The following FGGY variants were observed in gnomAD, a reference collection of about 807,000 sequenced individuals.
FGGY encodes the protein FGGY carbohydrate kinase domain-containing protein.
In FGGY, 72 loss-of-function variants were observed where a neutral mutation model predicts 71.3. That is an observed-to-expected ratio of 1.01 (90% CI 0.84 to 1.23). The LOEUF is 1.23. Among genes scored for constraint, FGGY ranks in the 50% most tolerant of loss-of-function variants. The pLI is 0.00. For missense variants in FGGY, 668 were observed against 682.3 expected (o/e 0.98, Z 0.23); for synonymous variants, 251 against 250.3 (o/e 1.00, Z -0.02).
At chr1:59,342,549 C>T (rs527679469) in intron 3 of FGGY, among the ~76,000 whole-genome samples, 1 of 152,276 alleles carries the variant, frequency 6.6e-6, no homozygotes, top group East Asian at 1.9e-4. Context: ...GCTGCAGGTG[C>T]CCTCATCAGT....
Position 59,732,661 on chromosome 1 carries a change from C to T in FGGY, c.1513-25270C>T, listed in dbSNP as rs571649874. 1.1e-4 allele frequency among the ~76,000 whole-genome samples: 16 copies of T among 150,702 alleles called. 1 individual carries two copies. In the South Asian group the frequency reaches 3.4e-3, roughly 32 times the overall value. On this transcript the variant is annotated intron_variant, in intron 14 of 15. Transcript: ENST00000303721. ...CCAAAGCAGATAGAGGAAAGGGGGG[C>T]AAGAAAGGGGAAGGGAAGGAAGGTA...
At chr1:59,589,491 C>T (rs941209868) in intron 8 of FGGY, among the ~76,000 whole-genome samples, 25 of 152,024 alleles carry the variant, frequency 1.6e-4, no homozygotes, top group Non-Finnish European at 1.5e-4. Context: ...TACATTTTTT[C>T]CAGCACCACA....
chr1:59,607,992 A>T, intron 9 of FGGY, 82 bp downstream of exon 9: 1 of 1,137,588 alleles, frequency 8.8e-7, no homozygotes, highest in African/African-American at 1.5e-5. Context: ...CCATATACCC[A>T]ATATCTGGAG....
chr1:59,553,677 T>C (rs1383411583), intron 7 of FGGY, among the ~76,000 whole-genome samples: 2 of 152,228 alleles, frequency 1.3e-5, no homozygotes, highest in Non-Finnish European at 2.9e-5. Flanking sequence ...TCCATTTGGC[T>C]CCGCTCCTTC....
intron 5 of FGGY, among the ~76,000 whole-genome samples, chr1:59,407,888 T>G (rs563409376): frequency 6.6e-5 from 10 of 152,348 alleles, no homozygotes; most frequent in African/African-American, 2.4e-4. Context: ...GCCTACTACA[T>G]GTAAATTGTT....
At chr1:59,376,954 C>T (rs1163326136) in intron 4 of FGGY, among the ~76,000 whole-genome samples, 1 of 152,170 alleles carries the variant, frequency 6.6e-6, no homozygotes, top group Admixed American at 6.5e-5. Context: ...TATCTCACCT[C>T]CAGTTCCATT....
At chr1:59,315,879 A>G (rs2045360720) in intron 1 of FGGY, 1 of 152,180 alleles carries the variant, frequency 6.6e-6, no homozygotes, top group South Asian at 2.1e-4. Context: ...GGAAAGGCGA[A>G]AAAGAACTGA....
At position 59,406,609 on chromosome 1, in the gene FGGY, CAG is replaced by C. The variant is rs374963201; in HGVS notation, c.554+27773_554+27774del. Among the ~76,000 whole-genome samples the C allele has an allele frequency of 3.8e-3, 576 of 152,188 alleles. 4 individuals are homozygous for C. The highest frequency in any genetic ancestry group is 0.013 in the African/African-American group (539 of 41,518). Reference sequence around the variant, plus strand: ...TTTTTAAGCAAGAATACACATGAAACAGGGTTGCGTATTGATGAGTTGGCAAA... The same window carrying C: ...TTTTTAAGCAAGAATACACATGAAACGGTTGCGTATTGATGAGTTGGCAAA... On this transcript the variant is annotated intron_variant, in intron 5 of 15. Transcript: ENST00000303721.
Position 59,507,684 on chromosome 1 carries a change from A to ATTTTTTTTTTTTT in FGGY, c.671-4616_671-4604dup, listed in dbSNP as rs561953004. Among the ~76,000 whole-genome samples the ATTTTTTTTTTTTT allele has an allele frequency of 3.7e-3, 390 of 106,808 alleles. 2 individuals are homozygous for ATTTTTTTTTTTTT. The highest frequency in any genetic ancestry group is 4.7e-3 in the Non-Finnish European group (261 of 55,612). 70.1% of individuals were successfully genotyped at this position (106,808 alleles called of 152,430 possible). On this transcript the variant is annotated intron_variant, in intron 6 of 15. Transcript: ENST00000303721. ...AGGCAACTGCAACCATGCTTGGCTA[A>ATTTTTTTTTTTTT]TTTTTTTTTTTTTTTTTTTTTTTGT... is the stretch of plus-strand genomic sequence containing the variant.
chr1:59,518,993 G>A (rs1469698459), intron 7 of FGGY, among the ~76,000 whole-genome samples: 2 of 152,196 alleles, frequency 1.3e-5, no homozygotes, highest in East Asian at 3.9e-4. Context: ...AACAGCTGAG[G>A]CTCAGTGTAT....
At chr1:59,501,754 G>C (rs2094231247) in intron 6 of FGGY, among the ~76,000 whole-genome samples, 1 of 152,158 alleles carries the variant, frequency 6.6e-6, no homozygotes, top group Non-Finnish European at 1.5e-5. Flanking sequence ...TTTTGTGCTA[G>C]AAAACTGAAT....
chr1:59,726,979 T>A (rs774533969), intron 14 of FGGY, among the ~76,000 whole-genome samples: 10 of 152,164 alleles, frequency 6.6e-5, no homozygotes, highest in Admixed American at 3.9e-4. Context: ...TGGGTACAGA[T>A]CCTTTCTCCC....
At chr1:59,402,281 G>A (rs934317376) in intron 5 of FGGY, among the ~76,000 whole-genome samples, 2 of 152,192 alleles carry the variant, frequency 1.3e-5, no homozygotes, top group African/African-American at 2.4e-5. Flanking sequence ...TGGGTCAGCC[G>A]TGTATACTTA....
intron 5 of FGGY, among the ~76,000 whole-genome samples, chr1:59,425,337 T>C (rs1205585780): frequency 6.6e-6 from 1 of 152,168 alleles, no homozygotes; most frequent in Non-Finnish European, 1.5e-5. Flanking sequence ...GCCTTTTAAG[T>C]GTGTTTTGGG....
At chr1:59,414,565 G>A (rs1044132041) in intron 5 of FGGY, among the ~76,000 whole-genome samples, 1 of 152,194 alleles carries the variant, frequency 6.6e-6, no homozygotes, top group Admixed American at 6.5e-5. Context: ...ATCAGCCATG[G>A]ATCCTGCGTG....
intron 7 of FGGY, 69 bp downstream of exon 7, chr1:59,512,508 C>T (rs2094543569): frequency 6.8e-7 from 1 of 1,477,218 alleles, no homozygotes; most frequent in South Asian, 1.4e-5. Flanking sequence ...ACCGAAGACA[C>T]TCCTTTTCTG....
At chr1:59,510,200 T>G (rs998000903) in intron 6 of FGGY, among the ~76,000 whole-genome samples, 1 of 152,142 alleles carries the variant, frequency 6.6e-6, no homozygotes, top group Non-Finnish European at 1.5e-5. Context: ...ACCCATGGCC[T>G]GTCTTCAGCT....
chr1:59,463,842 T>A (rs1475605757), intron 6 of FGGY, among the ~76,000 whole-genome samples: 7 of 152,124 alleles, frequency 4.6e-5, no homozygotes, highest in Non-Finnish European at 7.4e-5. Flanking sequence ...GTGCCCAATA[T>A]AGGAGCACCC....
intron 9 of FGGY, 28 bp downstream of exon 9, chr1:59,607,938 A>T: frequency 6.4e-7 from 1 of 1,568,544 alleles, no homozygotes; most frequent in Non-Finnish European, 8.8e-7. Flanking sequence ...CAATAGGGTC[A>T]TGGATGTTTT....
Sources: gnomAD v4.1 joint callset for allele counts (sites outside exome capture counted in the v4.1 genomes callset) on GRCh38, gnomAD v4.1.1 for gene constraint, MANE v1.5 for transcripts, NCBI Gene and HGNC (gene_info 2026-07-23, HGNC 2026-07-21) for gene names.